The following SP4 variants were observed in gnomAD, a reference collection of about 807,000 sequenced individuals.
The protein encoded by SP4 is transcription factor Sp4.
Under a neutral mutation model 72.8 loss-of-function variants are expected in SP4, and 19 were observed. That is an observed-to-expected ratio of 0.26 (90% CI 0.18 to 0.38). The LOEUF is 0.38. Ranked by LOEUF, SP4 falls within the 10% of genes least tolerant of loss-of-function variation. The pLI is 1.00. For missense variants in SP4, 1,008 were observed against 926.3 expected (o/e 1.09, Z -1.14); for synonymous variants, 395 against 333.1 (o/e 1.19, Z -2.02).
intron 4 of SP4, among the ~76,000 whole-genome samples, chr7:21,478,155 A>T (rs1202343244): frequency 6.6e-6 from 1 of 152,176 alleles, no homozygotes; most frequent in Admixed American, 6.5e-5. Flanking sequence ...CTTTTAGCAT[A>T]ATGTTTTCAA....
intron 5 of SP4, 140 bp downstream of exon 5, chr7:21,482,263 T>G: frequency 1.5e-6 from 1 of 650,296 alleles, no homozygotes; most frequent in South Asian, 2.0e-5. Context: ...TGGAAGATGT[T>G]TAAGATGAAC....
At chr7:21,502,599 T>C (rs1781899506) in intron 5 of SP4, among the ~76,000 whole-genome samples, 1 of 152,152 alleles carries the variant, frequency 6.6e-6, no homozygotes, top group African/African-American at 2.4e-5. Context: ...TGCATAGTAG[T>C]TACTCTTGTT....
intron 5 of SP4, among the ~76,000 whole-genome samples, chr7:21,499,361 G>A (rs1175294257): frequency 6.6e-6 from 1 of 152,164 alleles, no homozygotes; most frequent in Non-Finnish European, 1.5e-5. Context: ...GGTCTTTGCA[G>A]ATGAAATGAA....
At chr7:21,486,715 G>A (rs561000869) in intron 5 of SP4, among the ~76,000 whole-genome samples, 25 of 152,164 alleles carry the variant, frequency 1.6e-4, no homozygotes, top group African/African-American at 5.5e-4. Context: ...GTTAATGTAG[G>A]GTGTGCCACA....
chr7:21,469,452 G>C (rs1784262714), intron 3 of SP4, among the ~76,000 whole-genome samples: 1 of 151,722 alleles, frequency 6.6e-6, no homozygotes, highest in Non-Finnish European at 1.5e-5. Context: ...AAGTGTATGT[G>C]TTTGTAATAC....
intron 3 of SP4, among the ~76,000 whole-genome samples, chr7:21,454,485 C>T (rs1038645083): frequency 2.0e-5 from 3 of 151,996 alleles, no homozygotes; most frequent in African/African-American, 4.8e-5. Context: ...GATCCTTTCT[C>T]ATATAAAATA....
At chr7:21,480,100 G>T (rs947190059) in intron 4 of SP4, among the ~76,000 whole-genome samples, 3 of 152,082 alleles carry the variant, frequency 2.0e-5, no homozygotes, top group Non-Finnish European at 4.4e-5. Flanking sequence ...CTCTGCAGGA[G>T]TTCTGTTTCT....
At chr7:21,488,702 T>C (rs1209533904) in intron 5 of SP4, among the ~76,000 whole-genome samples, 1 of 151,942 alleles carries the variant, frequency 6.6e-6, no homozygotes, top group East Asian at 1.9e-4. Flanking sequence ...GAGGCTATAG[T>C]GCCTATGATC....
chr7:21,429,259 C>T (rs773149783), intron 2 of SP4, 30 bp from the exon 3 acceptor site: 4 of 1,315,608 alleles, frequency 3.0e-6, no homozygotes, highest in South Asian at 1.3e-5. Context: ...TTTCCCCCCC[C>T]CCTCTCCTTT....
intron 5 of SP4, among the ~76,000 whole-genome samples, chr7:21,493,830 A>G (rs150163701): frequency 2.1e-4 from 32 of 152,336 alleles, no homozygotes; most frequent in African/African-American, 2.9e-4. Flanking sequence ...AACTTATTCT[A>G]TGAGGCTCAC....
chr7:21,503,969 T>C (rs534750186), intron 5 of SP4, among the ~76,000 whole-genome samples: 12 of 152,310 alleles, frequency 7.9e-5, no homozygotes, highest in African/African-American at 2.6e-4. Flanking sequence ...GGTTTACTTA[T>C]TTCAGGAAGT....
intron 3 of SP4, among the ~76,000 whole-genome samples, chr7:21,476,095 A>G (rs1165707632): frequency 1.3e-5 from 2 of 151,880 alleles, no homozygotes; most frequent in Non-Finnish European, 2.9e-5. Flanking sequence ...ACATGGCAAA[A>G]CCCTGTCTCT....
chr7:21,428,660 G>A lies in SP4; in HGVS notation c.8-17G>A, dbSNP rs201490557. 6.6e-7 allele frequency: 1 copy of A among 1,519,638 alleles called. No individual in the cohort carries two copies. Among genetic ancestry groups the A allele is most frequent in the South Asian group, 1.2e-5 (1 of 83,202 alleles). 94.1% of individuals were successfully genotyped at this position (1,519,638 alleles called of 1,614,324 possible). A position where few individuals can be genotyped will look rare whatever the true frequency, so the allele number is the denominator to read the frequency against. On this transcript the variant is annotated splice_polypyrimidine_tract_variant and intron_variant, in intron 1 of 5. Transcript: ENST00000222584. ...TAACCTGTTGTCGTGTGTGTGTGGTGGGGGGGTTTGTTGCAGATCAGAAGA... is the reference window on the plus strand; with the variant it reads ...TAACCTGTTGTCGTGTGTGTGTGGTAGGGGGGTTTGTTGCAGATCAGAAGA...
chr7:21,467,374 A>G (rs903604307), intron 3 of SP4, among the ~76,000 whole-genome samples: 1 of 152,086 alleles, frequency 6.6e-6, no homozygotes, highest in African/African-American at 2.4e-5. Flanking sequence ...ATATATCCAT[A>G]CCATATTATA....
At chr7:21,487,181 A>G (rs1784837623) in intron 5 of SP4, among the ~76,000 whole-genome samples, 1 of 152,132 alleles carries the variant, frequency 6.6e-6, no homozygotes, top group Admixed American at 6.5e-5. Flanking sequence ...GGTCTTTCAC[A>G]TTAGTTCCTG....
At chr7:21,509,033 C>G (rs536160719) in intron 5 of SP4, among the ~76,000 whole-genome samples, 1 of 152,042 alleles carries the variant, frequency 6.6e-6, no homozygotes, top group East Asian at 1.9e-4. Flanking sequence ...AAATAATAAT[C>G]TATTTCAATT....
At position 21,429,571 on chromosome 7, in the gene SP4, TCTC is replaced by T. The variant is rs1465134756; in HGVS notation, c.409_411del (p.Pro137del). 1 of 1,614,082 alleles carries T rather than the reference TCTC, an allele frequency of 6.2e-7. No homozygotes were observed. Among genetic ancestry groups the T allele is most frequent in the East Asian group, 2.2e-5 (1 of 44,874 alleles). On this transcript the variant is annotated inframe_deletion, in exon 3 of 6. Transcript: ENST00000222584. ...TTCCAGCAGTAATAACGGGAGTGCA[TCTC>T]CTACAAAAACTAAATCAGGTAATTC...
At chr7:21,428,557 T>G in intron 1 of SP4, 120 bp from the exon 2 acceptor site, 6 of 1,004,348 alleles carry the variant, frequency 6.0e-6, no homozygotes, top group Non-Finnish European at 8.7e-6. Context: ...TGTGCGTGGA[T>G]CGCGGGTTTA....
intron 3 of SP4, among the ~76,000 whole-genome samples, chr7:21,460,235 C>T (rs148821892): frequency 0.011 from 1,622 of 152,224 alleles, 24 homozygotes; most frequent in African/African-American, 0.037. Flanking sequence ...TTCTTAAAGG[C>T]GGCATGTCCA....
Sources: allele counts gnomAD v4.1 joint callset (sites outside exome capture counted in the v4.1 genomes callset), GRCh38; gene constraint gnomAD v4.1.1; transcripts MANE v1.5; gene names NCBI Gene and HGNC (gene_info 2026-07-23, HGNC 2026-07-21).